The following AKIP1 variants were observed in gnomAD, a reference collection of about 807,000 sequenced individuals.
AKIP1 encodes A-kinase interacting protein 1.
Under a neutral mutation model 22.3 loss-of-function variants are expected in AKIP1, and 18 were observed. That is an observed-to-expected ratio of 0.81 (90% CI 0.56 to 1.19). The LOEUF (loss-of-function observed/expected upper bound fraction) is 1.19, where lower values mean the gene tolerates loss of function less well. Among genes scored for constraint, AKIP1 ranks in the 50% most tolerant of loss-of-function variants. The pLI is 0.00. For missense variants in AKIP1, 287 were observed against 264.6 expected (o/e 1.08, Z -0.59); for synonymous variants, 120 against 102.7 (o/e 1.17, Z -1.02).
In AKIP1 at chr11:8,919,457, G is replaced by A. The variant is rs753896724; in HGVS notation, c.610G>A (p.Val204Met). 9.3e-6 allele frequency: 15 copies of A among 1,613,934 alleles called. No homozygotes were observed. Among genetic ancestry groups the A allele is most frequent in the East Asian group, 4.5e-5 (2 of 44,896 alleles). ...HVVAVDSGQSVDLVFPV is the reference protein window; with the variant it reads ...HVVAVDSGQSMDLVFPV ...GGTAGCAGTTGATTCTGGACAAAGC[G>A]TGGACCTGGTCTTCCCTGTGTGATG... Residue 204 changes from valine (V) to methionine (M), a missense_variant, in exon 6 of 6, where the codon GTG becomes ATG. By Grantham distance (21) the Val-to-Met change is conservative (BLOSUM62 1). Coordinates refer to ENST00000309377, the MANE Select transcript of AKIP1 (RefSeq NM_020642.4).
At chr11:8,911,388 A>G in intron 1 of AKIP1, 56 bp from the exon 2 acceptor site, 1 of 1,459,802 alleles carries the variant, frequency 6.9e-7, no homozygotes, top group Non-Finnish European at 9.2e-7. Flanking sequence ...GATTTGGAGC[A>G]GGGTCGCCGC....
chr11:8,911,296 G>T, intron 1 of AKIP1, 73 bp downstream of exon 1: 1 of 687,650 alleles, frequency 1.5e-6, no homozygotes, highest in East Asian at 2.7e-5. Context: ...CCTAGTCCTG[G>T]CTGGGCTCCC....
At chr11:8,913,727 C>T (rs1270522158) in intron 3 of AKIP1, among the ~76,000 whole-genome samples, 1 of 152,192 alleles carries the variant, frequency 6.6e-6, no homozygotes, top group Non-Finnish European at 1.5e-5. Flanking sequence ...AAACTCTAAT[C>T]TTTCTACATC....
At chr11:8,912,870 A>AATTTT (rs1428029806) in intron 3 of AKIP1, among the ~76,000 whole-genome samples, 9 of 48,234 alleles carry the variant, frequency 1.9e-4, no homozygotes, top group South Asian at 1.1e-3. Context: ...GTTTTTTTTA[A>AATTTT]CTTTTTTTTT....
intron 4 of AKIP1, 72 bp from the exon 5 acceptor site, chr11:8,917,215 A>T: frequency 1.0e-6 from 1 of 990,204 alleles, no homozygotes; most frequent in African/African-American, 1.6e-5. Context: ...CTAATAAGGT[A>T]GAAGAGAACT....
At chr11:8,913,271 C>T (rs943716123) in intron 3 of AKIP1, among the ~76,000 whole-genome samples, 1 of 150,574 alleles carries the variant, frequency 6.6e-6, no homozygotes, top group Non-Finnish European at 1.5e-5. Context: ...ACCCCTACCT[C>T]CTGGCCTCCT....
Position 8,919,381 on chromosome 11 carries a change from G to T in AKIP1, c.534G>T (p.Gly178=). ...SKDLYIEVYP[G]TYSVTVGSND... ...ACCTCTACATAGAAGTATATCCAGG[G>T]ACCTATTCTGTCACTGTGGGCTCAA... The change falls in exon 6 of 6, where the codon GGG becomes GGT. Residue 178 remains glycine (G), a synonymous_variant. Coordinates refer to ENST00000309377, the MANE Select transcript of AKIP1 (RefSeq NM_020642.4). 6.2e-7 allele frequency: 1 copy of T among 1,614,100 alleles called. No homozygotes were observed.
At chr11:8,918,106 A>G (rs896490476) in intron 5 of AKIP1, 1 of 152,252 alleles carries the variant, frequency 6.6e-6, no homozygotes, top group African/African-American at 2.4e-5. Flanking sequence ...ACTTTTGGTA[A>G]TGCTGATGTT....
At position 8,911,529 on chromosome 11, in the gene AKIP1, A is replaced by G; in HGVS notation, c.80A>G (p.Glu27Gly). The G allele has an allele frequency of 6.2e-7, 1 of 1,610,382 alleles. No homozygotes were observed. The highest frequency in any genetic ancestry group is 8.5e-7 in the Non-Finnish European group (1 of 1,178,660). The change falls in exon 2 of 6, where the codon GAA (glutamate) becomes GGA (glycine). Residue 27 changes from glutamate to glycine, a missense_variant. Physicochemically the swap from Glu to Gly is moderately conservative, Grantham distance 98 (BLOSUM62 -2). Coordinates refer to ENST00000309377, the MANE Select transcript of AKIP1 (RefSeq NM_020642.4). ...SLQRSARLAL[E>G]VLERAKRRAV... ...CAGCGTTCAGCAAGGCTGGCTCTAGAAGTGCTGGAGAGGGCCAAGAGGAGG... is the reference window on the plus strand; with the variant it reads ...CAGCGTTCAGCAAGGCTGGCTCTAGGAGTGCTGGAGAGGGCCAAGAGGAGG...
chr11:8,912,022 A>G (rs1157093801), intron 2 of AKIP1, among the ~76,000 whole-genome samples: 2 of 151,844 alleles, frequency 1.3e-5, no homozygotes, highest in East Asian at 3.9e-4. Flanking sequence ...ACATGGAGAA[A>G]TCCCGTCTCT....
intron 5 of AKIP1, chr11:8,917,591 C>T (rs1589926623): frequency 1.8e-6 from 1 of 549,398 alleles, no homozygotes; most frequent in African/African-American, 1.9e-5. Context: ...TGTGCCTGAA[C>T]TCATAGTTGT....
At chr11:8,915,819 C>CTTTTTTT (rs1258666817) in intron 4 of AKIP1, among the ~76,000 whole-genome samples, 1 of 124,034 alleles carries the variant, frequency 8.1e-6, no homozygotes, top group African/African-American at 3.0e-5. Context: ...ATTTTTCTTT[C>CTTTTTTT]TTTTTTTTTT....
intron 4 of AKIP1, 78 bp downstream of exon 4, chr11:8,915,008 G>C (rs953869255): frequency 1.9e-5 from 21 of 1,133,752 alleles, no homozygotes; most frequent in Non-Finnish European, 2.4e-5. Context: ...GCCCCTGCTA[G>C]ACTTTGTGTC....
At chr11:8,915,347 AT>A (rs146108642) in intron 4 of AKIP1, among the ~76,000 whole-genome samples, 57,735 of 104,202 alleles carry the variant, frequency 0.55, 19,536 homozygotes, top group South Asian at 0.82. Context: ...TAGGGATAGG[AT>A]TTTTTTTTTC....
intron 5 of AKIP1, among the ~76,000 whole-genome samples, chr11:8,918,769 C>G (rs1479866384): frequency 6.6e-6 from 1 of 152,210 alleles, no homozygotes; most frequent in Non-Finnish European, 1.5e-5. Flanking sequence ...GTTTTGTACT[C>G]TGGGAGAACC....
chr11:8,912,322 A>G (rs879395053), intron 2 of AKIP1, 131 bp from the exon 3 acceptor site: 30 of 700,538 alleles, frequency 4.3e-5, no homozygotes, highest in Admixed American at 7.0e-5. Context: ...TTCTTTCTCA[A>G]TAACATCGTT....
chr11:8,911,565 G>A lies in AKIP1; in HGVS notation c.116G>A (p.Trp39Ter). The change falls in exon 2 of 6, where the codon TGG becomes TAG. Residue 39 changes from tryptophan to a stop codon, truncating the protein, a stop_gained. Transcript: ENST00000309377. LOFTEE classifies it high-confidence loss of function. ...AGGGCCAAGAGGAGGGCGGTGGACT[G>A]GCATGCCCTGGAGCGTCCCAAAGGC... ...LERAKRRAVDWHALERPKGCM... is the reference protein window; with the variant it reads ...LERAKRRAVD The A allele has an allele frequency of 1.2e-6, 2 of 1,611,424 alleles. No individual in the cohort carries two copies. Among genetic ancestry groups the A allele is most frequent in the Non-Finnish European group, 1.7e-6 (2 of 1,179,188 alleles).
intron 4 of AKIP1, 123 bp from the exon 5 acceptor site, chr11:8,917,164 G>A: frequency 1.6e-6 from 1 of 607,610 alleles, no homozygotes; most frequent in South Asian, 2.9e-5. Flanking sequence ...TAATGACTTA[G>A]ATGACAACTT....
At chr11:8,912,043 C>A (rs1011906870) in intron 2 of AKIP1, among the ~76,000 whole-genome samples, 40 of 150,664 alleles carry the variant, frequency 2.7e-4, no homozygotes, top group Middle Eastern at 6.8e-3. Flanking sequence ...ACTAAAAATA[C>A]AAAATTAGCC....
Sources: gnomAD v4.1 joint callset for allele counts (sites outside exome capture counted in the v4.1 genomes callset) on GRCh38, gnomAD v4.1.1 for gene constraint, MANE v1.5 for transcripts, NCBI Gene and HGNC (gene_info 2026-07-23, HGNC 2026-07-21) for gene names.